HDAC11: variants seen among roughly 807,000 people sequenced by gnomAD.
The protein encoded by HDAC11 is histone deacetylase 11.
Under a neutral mutation model 41.1 loss-of-function variants are expected in HDAC11, and 23 were observed. That is an observed-to-expected ratio of 0.56 (90% CI 0.40 to 0.79). HDAC11 has a LOEUF of 0.79. HDAC11 is among the 30% of genes least tolerant of loss of function. HDAC11 has a pLI of 0.00. For missense variants in HDAC11, 402 were observed against 477.3 expected (o/e 0.84, Z 1.47); for synonymous variants, 187 against 186.6 (o/e 1.00, Z -0.02).
At chr3:13,486,153 G>T (rs1044682739) in intron 3 of HDAC11, among the ~76,000 whole-genome samples, 5 of 151,186 alleles carry the variant, frequency 3.3e-5, no homozygotes, top group Non-Finnish European at 7.4e-5. Flanking sequence ...TGTAATCCCA[G>T]CTACCTGGGA....
At chr3:13,496,555 C>G in intron 3 of HDAC11, 181 bp from the exon 4 acceptor site, 1 of 547,840 alleles carries the variant, frequency 1.8e-6, no homozygotes, top group Non-Finnish European at 3.3e-6. Context: ...CAGAGCTTGC[C>G]AGGAGCCTGG....
At chr3:13,481,220 T>G (rs558140525) in intron 1 of HDAC11, 26 bp from the exon 2 acceptor site, 1 of 1,606,062 alleles carries the variant, frequency 6.2e-7, no homozygotes, top group Non-Finnish European at 8.5e-7. Flanking sequence ...GCCCCAGCTG[T>G]GCGTCTGTCT....
At chr3:13,491,081 T>C (rs1248072279) in intron 3 of HDAC11, among the ~76,000 whole-genome samples, 2 of 144,710 alleles carry the variant, frequency 1.4e-5, no homozygotes, top group African/African-American at 5.5e-5. Context: ...TGTGTGTGTG[T>C]GTGTGTGTGT....
chr3:13,504,800 C>T lies in HDAC11; in HGVS notation c.*117C>T. The stretch of plus-strand genomic sequence containing the variant: ...AGTGAGCATGGAGGGGCAGGGCCAT[C>T]CCTGGCTGGGGCCTGGAGCTGGCCC... On this transcript the variant is annotated 3_prime_UTR_variant, in exon 10 of 10. Transcript: ENST00000295757. The T allele has an allele frequency of 1.1e-6, 1 of 917,548 alleles. No individual in the cohort carries two copies. The highest frequency in any genetic ancestry group is 1.6e-5 in the African/African-American group (1 of 61,396). The allele number at this position is 917,548 out of a possible 1,614,324, so 56.8% of individuals were successfully genotyped here.
intron 4 of HDAC11, among the ~76,000 whole-genome samples, chr3:13,497,218 G>A (rs1266050247): frequency 2.0e-5 from 3 of 149,358 alleles, no homozygotes; most frequent in Non-Finnish European, 4.4e-5. Flanking sequence ...TCGTTCTGTC[G>A]CCCAGGCTGG....
rs560046339 is a variant in HDAC11, at chr3:13,500,084, G to A, written c.413-629G>A. The stretch of plus-strand genomic sequence containing the variant: ...ATTAGGAGCCAACAGTAGCCTCCTG[G>A]GGGGTGGGAGAGGCAAGTTCCTGGT... On this transcript the variant is annotated intron_variant, in intron 5 of 9. Transcript: ENST00000295757. 3.3e-5 allele frequency among the ~76,000 whole-genome samples: 5 copies of A among 152,268 alleles called. No individual in the cohort carries two copies. The East Asian group carries it at 9.7e-4, about 29-fold the overall frequency.
chr3:13,482,505 G>C (rs1365192115), intron 2 of HDAC11, among the ~76,000 whole-genome samples: 3 of 152,138 alleles, frequency 2.0e-5, no homozygotes, highest in Non-Finnish European at 4.4e-5. Flanking sequence ...GAGGGAGGCC[G>C]GGCGCAGTGG....
intron 3 of HDAC11, 72 bp from the exon 4 acceptor site, chr3:13,496,664 G>A: frequency 6.2e-6 from 6 of 968,730 alleles, no homozygotes; most frequent in Non-Finnish European, 8.0e-6. Context: ...GGCATTTCCC[G>A]GGGAACCAAT....
intron 8 of HDAC11, among the ~76,000 whole-genome samples, chr3:13,503,469 C>T (rs1473621773): frequency 1.3e-5 from 2 of 152,236 alleles, no homozygotes; most frequent in Non-Finnish European, 2.9e-5. Flanking sequence ...GAGGCTGAGA[C>T]AGGAGAATTG....
chr3:13,500,635 A>AG (rs1702314310), intron 5 of HDAC11, 78 bp from the exon 6 acceptor site: 1 of 1,121,696 alleles, frequency 8.9e-7, no homozygotes, highest in African/African-American at 1.6e-5. Context: ...ATGCTGGGGG[A>AG]GGTGAAGGGA....
chr3:13,503,893 C>G (rs892501572), intron 8 of HDAC11, among the ~76,000 whole-genome samples: 2 of 152,238 alleles, frequency 1.3e-5, no homozygotes, highest in African/African-American at 4.8e-5. Context: ...GGCAGTGTCT[C>G]AGCTTCAGTG....
intron 1 of HDAC11, chr3:13,481,035 C>T: frequency 1.7e-6 from 1 of 581,696 alleles, no homozygotes; most frequent in South Asian, 2.0e-5. Context: ...ATTGTGGTGC[C>T]TACCCCCAGG....
chr3:13,496,732 G>T lies in HDAC11; in HGVS notation c.253-4G>T. 1.3e-6 allele frequency: 2 copies of T among 1,589,704 alleles called. No individual in the cohort carries two copies. The highest frequency in any genetic ancestry group is 2.3e-5 in the East Asian group (1 of 42,948). ...AGGCCAACAGCCCCTGTCTTTTTCC[G>T]CAGTGGTCCTTTGCTGTTGCTACCA... On this transcript the variant is annotated splice_polypyrimidine_tract_variant and splice_region_variant and intron_variant, in intron 3 of 9. Transcript: ENST00000295757.
At chr3:13,486,854 C>T (rs895214909) in intron 3 of HDAC11, among the ~76,000 whole-genome samples, 1 of 152,168 alleles carries the variant, frequency 6.6e-6, no homozygotes, top group African/African-American at 2.4e-5. Flanking sequence ...GCTGGGATTA[C>T]AGGCATGAGC....
chr3:13,504,083 C>A lies in HDAC11; in HGVS notation c.650-11C>A, dbSNP rs1309426445. On this transcript the variant is annotated splice_polypyrimidine_tract_variant and intron_variant, in intron 8 of 9. Coordinates refer to ENST00000295757, the MANE Select transcript of HDAC11 (RefSeq NM_024827.4). ...CTCTATAAATTGAGGCCATCCATGT[C>A]TCTCTCCCAGAGGCCATCAGGCGGA... 2 of 1,613,240 alleles carry A rather than the reference C, an allele frequency of 1.2e-6. No homozygotes were observed.
At position 13,506,238 on chromosome 3, in the gene HDAC11, G is replaced by A. The variant is rs1702620339; in HGVS notation, c.*1555G>A. ...TGGGGCTCAGCCACAGACATGGTTT[G>A]TCACTGTTGAGCTTCTGTTCCTAGA... On this transcript the variant is annotated 3_prime_UTR_variant, in exon 10 of 10. Transcript: ENST00000295757. 1 of 152,212 alleles carries A rather than the reference G, an allele frequency of 6.6e-6. No individual in the cohort carries two copies. Among genetic ancestry groups the A allele is most frequent in the African/African-American group, 2.4e-5 (1 of 41,426 alleles). 9.4% of individuals were successfully genotyped at this position (152,212 alleles called of 1,614,324 possible).
At chr3:13,504,325 C>T (rs1490260032) in intron 9 of HDAC11, 53 bp downstream of exon 9, 1 of 1,599,932 alleles carries the variant, frequency 6.3e-7, no homozygotes, top group Admixed American at 1.7e-5. Context: ...GACTCAGCAG[C>T]AGCAGGAAAG....
In HDAC11 at chr3:13,485,522, C is replaced by T. The variant is rs1701518940; in HGVS notation, c.252+1958C>T. Among the ~76,000 whole-genome samples the T allele has an allele frequency of 2.0e-5, 3 of 152,288 alleles. No individual in the cohort carries two copies. The South Asian group carries it at 6.2e-4, about 32-fold the overall frequency. ...GGCTGGGGGTGGGGGGCCTAGGTTCCAGGGCCCCACCCATTTGAGGGGCCT... is the reference window on the plus strand; with the variant it reads ...GGCTGGGGGTGGGGGGCCTAGGTTCTAGGGCCCCACCCATTTGAGGGGCCT... On this transcript the variant is annotated intron_variant, in intron 3 of 9. Coordinates refer to ENST00000295757, the MANE Select transcript of HDAC11 (RefSeq NM_024827.4).
chr3:13,501,168 A>G (rs1488526506), intron 6 of HDAC11, among the ~76,000 whole-genome samples: 1 of 152,188 alleles, frequency 6.6e-6, no homozygotes, highest in East Asian at 1.9e-4. Flanking sequence ...GCATGCTCCA[A>G]CCCGCGCTGT....
Sources: gnomAD v4.1 joint callset for allele counts (sites outside exome capture counted in the v4.1 genomes callset) on GRCh38, gnomAD v4.1.1 for gene constraint, MANE v1.5 for transcripts, NCBI Gene and HGNC (gene_info 2026-07-23, HGNC 2026-07-21) for gene names.